The following UNC13A variants were observed in gnomAD, a reference collection of about 807,000 sequenced individuals.
UNC13A encodes the protein protein unc-13 homolog A.
UNC13A carries 61 observed loss-of-function variants against 219.7 expected under a neutral mutation model. The ratio of observed to expected loss-of-function variants is 0.28; its 90% CI spans 0.23 to 0.34. The LOEUF (loss-of-function observed/expected upper bound fraction) is 0.34. Among genes scored for constraint, UNC13A ranks in the 10% least tolerant of loss-of-function variants. UNC13A has a pLI of 1.00. For missense variants in UNC13A, 1,476 were observed against 2,270.3 expected (o/e 0.65, Z 7.11); for synonymous variants, 920 against 884.6 (o/e 1.04, Z -0.71).
In UNC13A at chr19:17,674,896, C is replaced by A; in HGVS notation, c.53-140G>T. 1.5e-6 allele frequency: 1 copy of A among 656,716 alleles called. No individual in the cohort carries two copies. The highest frequency in any genetic ancestry group is 2.6e-6 in the Non-Finnish European group (1 of 377,408). 40.7% of individuals were successfully genotyped at this position (656,716 alleles called of 1,614,324 possible). On this transcript the variant is annotated intron_variant, in intron 2 of 43. Coordinates refer to ENST00000519716, the MANE Select transcript of UNC13A (RefSeq NM_001080421.3). The surrounding 1 kb of genome is among the most constrained non-coding windows in gnomAD (Gnocchi z 5.0). Reference sequence around the variant, plus strand: ...CTAACCCACAACCCCACCCTCAGGGCACAAGGGAGGGGCCTCAGTGTGGGG... The same window carrying A: ...CTAACCCACAACCCCACCCTCAGGGAACAAGGGAGGGGCCTCAGTGTGGGG...
At chr19:17,672,583 A>C (rs1461332125) in intron 3 of UNC13A, 88 bp from the exon 4 acceptor site, 1 of 964,530 alleles carries the variant, frequency 1.0e-6, no homozygotes, top group African/African-American at 1.6e-5. Context: ...GAGAACACAC[A>C]GCATACTGCA....
intron 24 of UNC13A, 34 bp downstream of exon 24, chr19:17,639,402 C>T (rs776382582): frequency 2.5e-6 from 4 of 1,600,404 alleles, no homozygotes; most frequent in Non-Finnish European, 3.4e-6. Context: ...GAGAACCCTC[C>T]TTGGAGAGCA....
chr19:17,639,913 G>A lies in UNC13A; in HGVS notation c.2788-5C>T, dbSNP rs936354180. 1.5e-5 allele frequency: 25 copies of A among 1,613,582 alleles called. No individual in the cohort carries two copies. The highest frequency in any genetic ancestry group is 2.0e-5 in the Non-Finnish European group (24 of 1,179,818). ...GAGTTTCACGAAGCGCTCTTTCTGAGGAGGAAGGGGAGGAGGGAGGATGGA... is the reference window on the plus strand; with the variant it reads ...GAGTTTCACGAAGCGCTCTTTCTGAAGAGGAAGGGGAGGAGGGAGGATGGA... On this transcript the variant is annotated splice_region_variant and splice_polypyrimidine_tract_variant and intron_variant, in intron 22 of 43. Transcript: ENST00000519716.
At chr19:17,606,413 G>T (rs944258999) in intron 43 of UNC13A, 59 bp from the exon 44 acceptor site, 335 of 1,513,430 alleles carry the variant, frequency 2.2e-4, no homozygotes, top group Non-Finnish European at 2.9e-4. Flanking sequence ...CCCCGCCCAC[G>T]GCCCCGTCCC....
At chr19:17,648,874 C>T in intron 15 of UNC13A, 38 bp downstream of exon 15, 4 of 1,561,316 alleles carry the variant, frequency 2.6e-6, no homozygotes, top group Non-Finnish European at 3.5e-6. Flanking sequence ...CTAGCCCAGT[C>T]CATCCCTGAC....
In UNC13A at chr19:17,602,414, C is replaced by A. The variant is rs990142356; in HGVS notation, c.*3640G>T. On this transcript the variant is annotated 3_prime_UTR_variant, in exon 44 of 44. Transcript: ENST00000519716. ...TCAGGGGACTTTGACTCTGAGGCATCCCTCAATGTCACCCCTTTAACCCTT... is the reference window on the plus strand; with the variant it reads ...TCAGGGGACTTTGACTCTGAGGCATACCTCAATGTCACCCCTTTAACCCTT... The A allele has an allele frequency of 6.6e-6, 1 of 152,244 alleles. No individual in the cohort carries two copies. Among genetic ancestry groups the A allele is most frequent in the Admixed American group, 6.5e-5 (1 of 15,272 alleles). The allele number at this position is 152,244 out of a possible 1,614,324, so 9.4% of individuals were successfully genotyped here.
At chr19:17,641,685 T>TTTTTTTTTTTTTTTTTTGAGACGG in intron 20 of UNC13A, 129 bp from the exon 21 acceptor site, 5 of 981,180 alleles carry the variant, frequency 5.1e-6, no homozygotes, top group Non-Finnish European at 7.4e-6. Context: ...TCTACTCTTT[T>TTTTTTTTTTTTTTTTTTGAGACGG]ATCCATCCAC....
At chr19:17,617,384 G>A (rs1288242583) in intron 41 of UNC13A, among the ~76,000 whole-genome samples, 1 of 152,092 alleles carries the variant, frequency 6.6e-6, no homozygotes, top group African/African-American at 2.4e-5. Flanking sequence ...GACGTCACAG[G>A]TTCCACACCT....
intron 1 of UNC13A, among the ~76,000 whole-genome samples, chr19:17,681,680 G>A (rs186560900): frequency 1.3e-5 from 2 of 152,272 alleles, no homozygotes; most frequent in Admixed American, 6.5e-5. Context: ...AGTAATTCAC[G>A]GAAGGAATGA....
intron 3 of UNC13A, among the ~76,000 whole-genome samples, chr19:17,673,432 C>T (rs2079832124): frequency 6.6e-6 from 1 of 151,034 alleles, no homozygotes; most frequent in Admixed American, 6.6e-5. Context: ...CTGGCTCATG[C>T]CTATAATCCC....
chr19:17,628,225 G>A, intron 31 of UNC13A: 2 of 472,244 alleles, frequency 4.2e-6, no homozygotes, highest in Non-Finnish European at 3.8e-6. Flanking sequence ...TCTGGGAGTA[G>A]CAGAGTTTCC....
At position 17,656,162 on chromosome 19, in the gene UNC13A, T is replaced by C. The variant is rs1019801226; in HGVS notation, c.1004A>G (p.Glu335Gly). ...EEDLEDFLEE[E>G]ELPEDEEELE... ...CTCCTCCTCATCTTCAGGCAGCTCC[T>C]CCTCCTCCAGGAAGTCCTCCAGGTC... The change falls in exon 10 of 44, where the codon GAG becomes GGG. Residue 335 changes from glutamate (E) to glycine (G), a missense_variant. Transcript: ENST00000519716. 1 of 1,552,270 alleles carries C rather than the reference T, an allele frequency of 6.4e-7. No individual in the cohort carries two copies. Among genetic ancestry groups the C allele is most frequent in the South Asian group, 1.2e-5 (1 of 84,050 alleles).
At chr19:17,620,593 G>T in intron 38 of UNC13A, 100 bp downstream of exon 38, 1 of 1,019,186 alleles carries the variant, frequency 9.8e-7, no homozygotes, top group Non-Finnish European at 1.4e-6. Context: ...TTCACAGTAC[G>T]CCCTCGGACG....
intron 12 of UNC13A, 41 bp downstream of exon 12, chr19:17,652,590 G>A (rs1481591826): frequency 6.2e-7 from 1 of 1,613,180 alleles, no homozygotes; most frequent in Non-Finnish European, 8.5e-7. Context: ...TGGACTTGGG[G>A]TTCAAATCTT....
chr19:17,673,549 C>T (rs545974531), intron 3 of UNC13A, among the ~76,000 whole-genome samples: 28 of 150,404 alleles, frequency 1.9e-4, no homozygotes, highest in Middle Eastern at 3.5e-3. Context: ...AAAAATTAGC[C>T]GGGCATGGTG....
chr19:17,647,310 C>A lies in UNC13A; in HGVS notation c.1999G>T (p.Val667Leu). 1 of 1,607,616 alleles carries A rather than the reference C, an allele frequency of 6.2e-7. No homozygotes were observed. The highest frequency in any genetic ancestry group is 8.5e-7 in the Non-Finnish European group (1 of 1,177,250). ...GACCACTTGGACGTGCCGTCCAGCA[C>A]GCTCTGCTTGACCGCCTTCATCTGC... is the stretch of plus-strand genomic sequence containing the variant. ...TQQMKAVKQS[V>L]LDGTSKWSAK... The change falls in exon 17 of 44, where the codon GTG becomes TTG. Residue 667 changes from valine to leucine, a missense_variant. Val to Leu is a conservative substitution (Grantham distance 32). Around this residue, in one of 14 missense-constraint regions of UNC13A, gnomAD observed 66 missense variants for 224.3 expected, o/e 0.29. Transcript: ENST00000519716.
intron 11 of UNC13A, among the ~76,000 whole-genome samples, chr19:17,653,946 C>T (rs1315824327): frequency 6.6e-6 from 1 of 151,758 alleles, no homozygotes. Context: ...CCTGCCTCAG[C>T]CTCCCGAGTA....
chr19:17,653,952 G>A (rs531610576), intron 11 of UNC13A, among the ~76,000 whole-genome samples: 60 of 149,072 alleles, frequency 4.0e-4, no homozygotes, highest in East Asian at 2.9e-3. Flanking sequence ...TCAGCCTCCC[G>A]AGTAGCTGGG....
intron 31 of UNC13A, 128 bp from the exon 32 acceptor site, chr19:17,628,068 C>T: frequency 1.2e-6 from 1 of 823,642 alleles, no homozygotes; most frequent in South Asian, 1.5e-5. Flanking sequence ...CCCATGGGGT[C>T]ACCTGCAAAT....
Sources: gnomAD v4.1 joint callset for allele counts (sites outside exome capture counted in the v4.1 genomes callset) on GRCh38, gnomAD v4.1.1 for gene constraint, gnomAD v4.1.1 regional missense constraint, Gnocchi (gnomAD v3.1) non-coding constraint, MANE v1.5 for transcripts, NCBI Gene and HGNC (gene_info 2026-07-23, HGNC 2026-07-21) for gene names.